CDK15: variants seen among roughly 807,000 people sequenced by gnomAD.
The protein encoded by CDK15 is cyclin-dependent kinase 15.
Under a neutral mutation model 60.3 loss-of-function variants are expected in CDK15, and 62 were observed. That is an observed-to-expected ratio of 1.03 (90% confidence interval 0.84 to 1.27). The LOEUF is 1.27. Among genes scored for constraint, CDK15 ranks in the 50% most tolerant of loss-of-function variants. CDK15 has a pLI of 0.00. For synonymous variants in CDK15, 194 were observed against 195.7 expected, an observed-to-expected ratio of 0.99 and a Z score of 0.07; for missense variants, 541 against 527.8, an observed-to-expected ratio of 1.03 and a Z score of -0.25.
At chr2:201,829,365 A>G (rs1419036935) in intron 6 of CDK15, among the ~76,000 whole-genome samples, 1 of 152,176 alleles carries the variant, frequency 6.6e-6, no homozygotes, top group Non-Finnish European at 1.5e-5. Flanking sequence ...CAGATGTGAG[A>G]TGATGGTGGG....
intron 6 of CDK15, among the ~76,000 whole-genome samples, chr2:201,831,283 T>C (rs1696740980): frequency 6.6e-6 from 1 of 152,086 alleles, no homozygotes; most frequent in Non-Finnish European, 1.5e-5. Flanking sequence ...ATCTCATTGG[T>C]TTTTGAGTAA....
intron 6 of CDK15, among the ~76,000 whole-genome samples, chr2:201,830,172 CTCAAGCAA>C (rs1696687249): frequency 6.6e-6 from 1 of 152,098 alleles, no homozygotes; most frequent in South Asian, 2.1e-4. Flanking sequence ...AACTCCTGGA[CTCAAGCAA>C]TCCTCCTGCC....
At chr2:201,848,738 C>T (rs563514104) in intron 9 of CDK15, among the ~76,000 whole-genome samples, 12 of 152,142 alleles carry the variant, frequency 7.9e-5, no homozygotes, top group Non-Finnish European at 1.8e-4. Context: ...TTTAAATCGG[C>T]GGGGTGCAGG....
chr2:201,827,485 C>T (rs1696559366), intron 6 of CDK15, among the ~76,000 whole-genome samples: 1 of 152,044 alleles, frequency 6.6e-6, no homozygotes, highest in Non-Finnish European at 1.5e-5. Flanking sequence ...TTAGACAGTA[C>T]AGTCATTAGT....
At chr2:201,857,559 G>A (rs1298666155) in intron 10 of CDK15, among the ~76,000 whole-genome samples, 1 of 152,146 alleles carries the variant, frequency 6.6e-6, no homozygotes, top group African/African-American at 2.4e-5. Flanking sequence ...AGTTCTCTTT[G>A]TTACTGGGGT....
intron 4 of CDK15, among the ~76,000 whole-genome samples, chr2:201,821,006 C>T (rs975516209): frequency 1.3e-5 from 2 of 152,092 alleles, no homozygotes; most frequent in Non-Finnish European, 2.9e-5. Flanking sequence ...TAACTACAGG[C>T]TGGTAGGGCA....
chr2:201,809,872 A>G (rs994946814), intron 3 of CDK15, among the ~76,000 whole-genome samples: 2 of 151,962 alleles, frequency 1.3e-5, no homozygotes, highest in Admixed American at 6.6e-5. Context: ...GTTCATGCAC[A>G]CAGCTGACTC....
intron 5 of CDK15, 102 bp downstream of exon 5, chr2:201,823,005 G>A (rs1696302207): frequency 2.7e-6 from 2 of 750,614 alleles, no homozygotes; most frequent in Non-Finnish European, 2.3e-6. Context: ...TTATTATAAT[G>A]TGAAAAGTAT....
intron 6 of CDK15, among the ~76,000 whole-genome samples, chr2:201,831,104 T>C (rs1415184376): frequency 6.6e-6 from 1 of 152,010 alleles, no homozygotes; most frequent in Non-Finnish European, 1.5e-5. Flanking sequence ...GATGAGTATG[T>C]TGGGAGGAAA....
chr2:201,833,970 T>G lies in CDK15; in HGVS notation c.729T>G (p.Phe243Leu). 1 of 1,613,440 alleles carries G rather than the reference T, an allele frequency of 6.2e-7. No homozygotes were observed. Among genetic ancestry groups the G allele is most frequent in the Non-Finnish European group, 8.5e-7 (1 of 1,179,698 alleles). The change falls in exon 7 of 14, where the codon TTT (phenylalanine) becomes TTG (leucine). Residue 243 changes from phenylalanine (F) to leucine (L), a missense_variant and splice_region_variant. Phe to Leu is a conservative substitution (Grantham distance 22). Coordinates refer to ENST00000652192, the MANE Select transcript of CDK15 (RefSeq NM_001366386.2). ...SHLGELKLADFGLARAKSIPS... is the reference protein window; with the variant it reads ...SHLGELKLADLGLARAKSIPS... ...TGGGAGAGCTCAAACTGGCTGATTTTGGTAAGTCGCCCCTCGGGTCTCATT... is the reference window on the plus strand; with the variant it reads ...TGGGAGAGCTCAAACTGGCTGATTTGGGTAAGTCGCCCCTCGGGTCTCATT...
intron 8 of CDK15, among the ~76,000 whole-genome samples, chr2:201,841,101 C>A (rs1697356723): frequency 6.6e-6 from 1 of 152,118 alleles, no homozygotes; most frequent in Non-Finnish European, 1.5e-5. Context: ...GCTCATCTAC[C>A]AGTTCTTTAA....
intron 6 of CDK15, among the ~76,000 whole-genome samples, chr2:201,828,781 T>A (rs1165171386): frequency 1.3e-5 from 2 of 152,110 alleles, no homozygotes; most frequent in Non-Finnish European, 2.9e-5. Context: ...ATCCAGAAGG[T>A]CTCTGTACCC....
intron 11 of CDK15, among the ~76,000 whole-genome samples, chr2:201,879,489 C>T (rs1699195779): frequency 6.6e-6 from 1 of 152,180 alleles, no homozygotes; most frequent in South Asian, 2.1e-4. Flanking sequence ...AAGTGATTGT[C>T]ATGCCTCAGC....
Position 201,833,829 on chromosome 2 carries a change from T to C in CDK15, c.607-19T>C. On this transcript the variant is annotated intron_variant, in intron 6 of 13. Transcript: ENST00000652192. ...GTGGTGGCTCAAATCTCCTTATGGA[T>C]AGTGTTTCTTCCTTCCAGCTTTTCA... is the stretch of plus-strand genomic sequence containing the variant. The C allele has an allele frequency of 6.2e-7, 1 of 1,611,860 alleles. No homozygotes were observed. Among genetic ancestry groups the C allele is most frequent in the East Asian group, 2.2e-5 (1 of 44,710 alleles).
intron 11 of CDK15, among the ~76,000 whole-genome samples, 159 bp from the exon 12 acceptor site, chr2:201,879,869 G>A (rs916071897): frequency 6.6e-6 from 1 of 152,094 alleles, no homozygotes; most frequent in African/African-American, 2.4e-5. Context: ...TAGTATGGGG[G>A]TTACTTTTCC....
At chr2:201,836,448 A>G (rs2105748883) in intron 8 of CDK15, among the ~76,000 whole-genome samples, 1 of 151,096 alleles carries the variant, frequency 6.6e-6, no homozygotes, top group South Asian at 2.1e-4. Flanking sequence ...TGAATCTGAC[A>G]CTCTTTTTAT....
Position 201,890,848 on chromosome 2 carries a change from C to G in CDK15, c.1262C>G (p.Ser421Cys). The part of the protein sequence containing the change: ...LKPEMCDLLA[S>C]YQKGHHPAQF... ...CCAGAAATGTGTGACCTTTTGGCCT[C>G]CTACCAGAAAGGTCACCACCCAGCC... Residue 421 changes from serine to cysteine, a missense_variant, in exon 13 of 14, where the codon TCC becomes TGC. Transcript: ENST00000652192. The G allele has an allele frequency of 6.2e-7, 1 of 1,613,766 alleles. No homozygotes were observed. The highest frequency in any genetic ancestry group is 1.1e-5 in the South Asian group (1 of 91,000).
At chr2:201,826,114 C>T (rs1379742894) in intron 6 of CDK15, among the ~76,000 whole-genome samples, 7 of 152,254 alleles carry the variant, frequency 4.6e-5, no homozygotes, top group South Asian at 4.1e-4. Context: ...GAAAGAAATA[C>T]GATCTAGTAC....
At chr2:201,847,526 G>A in intron 9 of CDK15, 52 bp downstream of exon 9, 1 of 1,529,368 alleles carries the variant, frequency 6.5e-7, no homozygotes, top group Non-Finnish European at 9.0e-7. Flanking sequence ...TTTAAGTTTT[G>A]AACCAAATTT....
Sources: allele counts gnomAD v4.1 joint callset (sites outside exome capture counted in the v4.1 genomes callset), GRCh38; gene constraint gnomAD v4.1.1; transcripts MANE v1.5; gene names NCBI Gene and HGNC (gene_info 2026-07-23, HGNC 2026-07-21).